The following OR2L13 variants were observed in gnomAD, a reference collection of about 807,000 sequenced individuals.
The protein encoded by OR2L13 is olfactory receptor family 2 subfamily L member 13, also known as olfactory receptor 2L13.
In OR2L13, 14 loss-of-function variants were observed where a neutral mutation model predicts 15.3. That is an observed-to-expected ratio of 0.91 (90% confidence interval 0.60 to 1.43). The LOEUF is 1.43. Ranked by LOEUF, OR2L13 falls within the 40% of genes most tolerant of loss-of-function variation. The pLI is 0.00. For missense variants in OR2L13, 367 were observed against 387.9 expected (o/e 0.95, Z 0.45); for synonymous variants, 152 against 142.9 (o/e 1.06, Z -0.45).
At chr1:248,034,373 G>A in the OR2L13 span, among the ~76,000 whole-genome samples, 7 of 152,180 alleles carry the variant, frequency 4.6e-5, no homozygotes, top group South Asian at 4.1e-4. Context: ...ATCTGGAGGC[G>A]TTTGGTAAGT....
the OR2L13 span, among the ~76,000 whole-genome samples, chr1:248,070,146 C>T: frequency 6.6e-6 from 1 of 152,204 alleles, no homozygotes; most frequent in African/African-American, 2.4e-5. Context: ...CTACAGAACT[C>T]TCCACCCCAA....
chr1:247,950,028 G>GT, the OR2L13 span, among the ~76,000 whole-genome samples: 1 of 77,114 alleles, frequency 1.3e-5, no homozygotes, highest in Admixed American at 1.8e-4. Context: ...TTGCTAATAT[G>GT]TTGTCAATAA....
At chr1:248,055,037 C>A in the OR2L13 span, among the ~76,000 whole-genome samples, 1 of 152,140 alleles carries the variant, frequency 6.6e-6, no homozygotes, top group Non-Finnish European at 1.5e-5. Flanking sequence ...GGGAATGCTT[C>A]CAGTTTTTGC....
At chr1:248,003,155 A>G in the OR2L13 span, 1 of 1,393,082 alleles carries the variant, frequency 7.2e-7, no homozygotes, top group Non-Finnish European at 1.0e-6. Flanking sequence ...TCAAACATCA[A>G]CTGATTTCAT....
At chr1:248,066,103 T>A in the OR2L13 span, among the ~76,000 whole-genome samples, 1 of 152,226 alleles carries the variant, frequency 6.6e-6, no homozygotes, top group African/African-American at 2.4e-5. Context: ...TCCCTTGGAA[T>A]GTATGGCTTT....
chr1:248,028,143 A>T, the OR2L13 span, among the ~76,000 whole-genome samples: 1 of 141,736 alleles, frequency 7.1e-6, no homozygotes, highest in African/African-American at 2.8e-5. Context: ...TCCGTCTCAA[A>T]AAAAAAAAAA....
the OR2L13 span, among the ~76,000 whole-genome samples, chr1:247,938,557 C>A: frequency 2.0e-5 from 3 of 152,032 alleles, no homozygotes; most frequent in Admixed American, 6.5e-5. Flanking sequence ...TGTGATAGGG[C>A]TAAAAAACAT....
At chr1:248,043,215 A>G in the OR2L13 span, among the ~76,000 whole-genome samples, 1 of 152,170 alleles carries the variant, frequency 6.6e-6, no homozygotes, top group Non-Finnish European at 1.5e-5. Context: ...TAGACTCTCC[A>G]CCTATATACA....
At chr1:248,007,971 C>G in the OR2L13 span, among the ~76,000 whole-genome samples, 1 of 152,074 alleles carries the variant, frequency 6.6e-6, no homozygotes, top group African/African-American at 2.4e-5. Context: ...TATGCTGACT[C>G]AGCATATTTA....
the OR2L13 span, among the ~76,000 whole-genome samples, chr1:248,007,324 T>G: frequency 3.3e-5 from 5 of 152,216 alleles, no homozygotes; most frequent in Admixed American, 1.3e-4. Context: ...TCAGTGAATA[T>G]TGAGCCTTCC....
chr1:248,005,996 C>G, the OR2L13 span, among the ~76,000 whole-genome samples: 1 of 152,110 alleles, frequency 6.6e-6, no homozygotes, highest in African/African-American at 2.4e-5. Flanking sequence ...ATTTCCTGTC[C>G]TGAACTCAGT....
the OR2L13 span, among the ~76,000 whole-genome samples, chr1:247,944,985 G>GT: frequency 6.6e-6 from 1 of 151,446 alleles, no homozygotes; most frequent in South Asian, 2.1e-4. Flanking sequence ...TTTTTGAAGG[G>GT]TTTTTTGTGT....
At chr1:247,961,699 C>G in the OR2L13 span, among the ~76,000 whole-genome samples, 8 of 152,198 alleles carry the variant, frequency 5.3e-5, no homozygotes, top group Non-Finnish European at 1.2e-4. Flanking sequence ...AAGAGGAGGA[C>G]TCCCTGTGTT....
chr1:247,939,082 C>T, the OR2L13 span: 2 of 152,140 alleles, frequency 1.3e-5, no homozygotes, highest in African/African-American at 4.8e-5. Context: ...ATTTTGTATT[C>T]GCTTAGAGAG....
At chr1:248,007,082 G>T in the OR2L13 span, among the ~76,000 whole-genome samples, 1 of 152,180 alleles carries the variant, frequency 6.6e-6, no homozygotes, top group African/African-American at 2.4e-5. Flanking sequence ...CTTTCAGGTA[G>T]TGATTCATGG....
the OR2L13 span, chr1:248,038,452 T>G: frequency 6.2e-7 from 1 of 1,613,880 alleles, no homozygotes; most frequent in Non-Finnish European, 8.5e-7. Context: ...TATTTCCTAC[T>G]TAGTCAGCTC....
the OR2L13 span, among the ~76,000 whole-genome samples, chr1:247,948,425 T>C: frequency 6.6e-6 from 1 of 152,172 alleles, no homozygotes; most frequent in Admixed American, 6.5e-5. Context: ...GAGGTATCTT[T>C]CTTATAAATT....
At chr1:247,954,161 G>C in the OR2L13 span, among the ~76,000 whole-genome samples, 1 of 152,166 alleles carries the variant, frequency 6.6e-6, no homozygotes. Flanking sequence ...TGAGGTGGAG[G>C]TGATCCCTCA....
chr1:247,943,730 T>G, the OR2L13 span, among the ~76,000 whole-genome samples: 1 of 152,162 alleles, frequency 6.6e-6, no homozygotes, highest in Non-Finnish European at 1.5e-5. Flanking sequence ...AGGGTGAAAC[T>G]CCACTGTAAG....
Sources: gnomAD v4.1 joint callset for allele counts (sites outside exome capture counted in the v4.1 genomes callset) on GRCh38, gnomAD v4.1.1 for gene constraint, MANE v1.5 for transcripts, NCBI Gene and HGNC (gene_info 2026-07-23, HGNC 2026-07-21) for gene names.